HK2: variants seen among roughly 807,000 people sequenced by gnomAD.
HK2 encodes hexokinase-2.
A neutral mutation model predicts 92.9 loss-of-function variants in HK2; 42 were observed. The observed-to-expected ratio is 0.45, with a 90% CI of 0.35 to 0.58. HK2 has a LOEUF of 0.58. HK2 is among the 20% of genes least tolerant of loss of function. The pLI, the probability that HK2 is intolerant of heterozygous loss-of-function variation, is 0.00. For synonymous variants in HK2, 422 were observed against 468.0 expected, an observed-to-expected ratio of 0.90 and a Z score of 1.27; for missense variants, 978 against 1,245.1, an observed-to-expected ratio of 0.79 and a Z score of 3.23.
At chr2:74,839,722 A>G (rs1305651215) in intron 1 of HK2, among the ~76,000 whole-genome samples, 2 of 151,698 alleles carry the variant, frequency 1.3e-5, no homozygotes, top group African/African-American at 2.4e-5. Flanking sequence ...CAGTGGCACA[A>G]TCTTGGCTCA....
chr2:74,874,367 G>A lies in HK2; in HGVS notation c.793G>A (p.Gly265Arg). 6.2e-7 allele frequency: 1 copy of A among 1,613,990 alleles called. No homozygotes were observed. The highest frequency in any genetic ancestry group is 8.5e-7 in the Non-Finnish European group (1 of 1,179,942). ...TATCAATATGGAGTGGGGGGCCTTC[G>A]GGGACGATGGCTCGCTCAACGACAT... ...MCINMEWGAFGDDGSLNDIRT... is the reference protein window; with the variant it reads ...MCINMEWGAFRDDGSLNDIRT... Residue 265 changes from glycine (G) to arginine (R), a missense_variant, in exon 7 of 18, where the codon GGG (glycine) becomes AGG (arginine). Transcript: ENST00000290573.
intron 4 of HK2, 104 bp from the exon 5 acceptor site, chr2:74,873,172 T>C (rs1689139582): frequency 4.6e-6 from 4 of 866,582 alleles, no homozygotes; most frequent in Admixed American, 3.4e-5. Context: ...ATCATGACTT[T>C]ACCCCAGTGG....
In HK2 at chr2:74,834,127, A is replaced by C; in HGVS notation, c.-454A>C. 3.0e-6 allele frequency: 1 copy of C among 329,186 alleles called. No individual in the cohort carries two copies. The highest frequency in any genetic ancestry group is 6.0e-6 in the Non-Finnish European group (1 of 166,720). 20.4% of individuals were successfully genotyped at this position (329,186 alleles called of 1,614,324 possible). ...CGGGCCGGCAGCCCCTCAATAAGCCACATTGTTGCATGAAACTCCGGCGCA... is the reference window on the plus strand; with the variant it reads ...CGGGCCGGCAGCCCCTCAATAAGCCCCATTGTTGCATGAAACTCCGGCGCA... On this transcript the variant is annotated 5_prime_UTR_variant, in exon 1 of 18. Coordinates refer to ENST00000290573, the MANE Select transcript of HK2 (RefSeq NM_000189.5). The surrounding 1 kb of genome is among the most constrained non-coding windows in gnomAD (Gnocchi z 4.2).
At position 74,892,370 on chromosome 2, in the gene HK2, T is replaced by C. The variant is rs1005726706; in HGVS notation, c.*1429T>C. On this transcript the variant is annotated 3_prime_UTR_variant, in exon 18 of 18. Transcript: ENST00000290573. ...CCCAGCAAGTTTCACCTTGGGTTTGTATTTTAAATGTTTTACAAGAATTGT... is the reference window on the plus strand; with the variant it reads ...CCCAGCAAGTTTCACCTTGGGTTTGCATTTTAAATGTTTTACAAGAATTGT... 1 of 152,240 alleles carries C rather than the reference T, an allele frequency of 6.6e-6. No homozygotes were observed. Among genetic ancestry groups the C allele is most frequent in the African/African-American group, 2.4e-5 (1 of 41,456 alleles). The allele number at this position is 152,240 out of a possible 1,614,324, so 9.4% of individuals were successfully genotyped here.
intron 2 of HK2, among the ~76,000 whole-genome samples, chr2:74,856,860 T>G (rs534412240): frequency 6.6e-6 from 1 of 152,352 alleles, no homozygotes; most frequent in Non-Finnish European, 1.5e-5. Context: ...GCCTGTGCAC[T>G]TGGCGCTGGA....
chr2:74,886,794 T>C, intron 15 of HK2, 121 bp downstream of exon 15: 1 of 1,048,592 alleles, frequency 9.5e-7, no homozygotes. Context: ...ATAAAGGAGG[T>C]TTTCTTGGAA....
At chr2:74,866,782 T>C (rs1688959407) in intron 2 of HK2, among the ~76,000 whole-genome samples, 1 of 152,188 alleles carries the variant, frequency 6.6e-6, no homozygotes, top group African/African-American at 2.4e-5. Flanking sequence ...AGCATTCTCT[T>C]GCATTCTGAT....
intron 17 of HK2, 23 bp downstream of exon 17, chr2:74,889,501 C>G: frequency 7.1e-7 from 1 of 1,398,648 alleles, no homozygotes; most frequent in Non-Finnish European, 1.0e-6. Flanking sequence ...TCCCAGCCCC[C>G]CCTGCCTACC....
intron 1 of HK2, among the ~76,000 whole-genome samples, chr2:74,846,309 G>A (rs1343303932): frequency 1.0e-5 from 1 of 95,628 alleles, no homozygotes; most frequent in Non-Finnish European, 2.2e-5. Context: ...CCAAGTCAGT[G>A]CAACCTGCCT....
chr2:74,843,273 G>A (rs1688359692), intron 1 of HK2, among the ~76,000 whole-genome samples: 1 of 151,926 alleles, frequency 6.6e-6, no homozygotes, highest in East Asian at 1.9e-4. Flanking sequence ...GCTGTTGAGT[G>A]TGTTCCTTCC....
chr2:74,885,422 A>T, intron 12 of HK2, 72 bp from the exon 13 acceptor site: 1 of 1,034,758 alleles, frequency 9.7e-7, no homozygotes, highest in Non-Finnish European at 1.5e-6. Flanking sequence ...AGCTAGAAGC[A>T]CAGCTGGACC....
rs969250588 is a variant in HK2, at chr2:74,893,295, A to G, written c.*2354A>G. On this transcript the variant is annotated 3_prime_UTR_variant, in exon 18 of 18. Coordinates refer to ENST00000290573, the MANE Select transcript of HK2 (RefSeq NM_000189.5). ...TTGTCATTATGTACAATACATAACTAGTTTAATTAACTATGTGATGTTAAC... is the reference window on the plus strand; with the variant it reads ...TTGTCATTATGTACAATACATAACTGGTTTAATTAACTATGTGATGTTAAC... 1 of 152,218 alleles carries G rather than the reference A, an allele frequency of 6.6e-6. No homozygotes were observed. Among genetic ancestry groups the G allele is most frequent in the African/African-American group, 2.4e-5 (1 of 41,458 alleles). 9.4% of individuals were successfully genotyped at this position (152,218 alleles called of 1,614,324 possible).
At chr2:74,873,751 G>C in intron 5 of HK2, 93 bp from the exon 6 acceptor site, 1 of 790,938 alleles carries the variant, frequency 1.3e-6, no homozygotes, top group Non-Finnish European at 2.2e-6. Context: ...GAGAGAAGGA[G>C]GAGGAGGAGG....
intron 9 of HK2, among the ~76,000 whole-genome samples, chr2:74,879,340 A>G (rs1689323483): frequency 1.3e-5 from 2 of 152,164 alleles, no homozygotes; most frequent in Non-Finnish European, 2.9e-5. Context: ...CCCTGTCCAC[A>G]TTTTGATCCC....
chr2:74,842,579 A>C (rs1019614604), intron 1 of HK2, among the ~76,000 whole-genome samples: 1 of 152,214 alleles, frequency 6.6e-6, no homozygotes, highest in Non-Finnish European at 1.5e-5. Context: ...CTTCTTTTAG[A>C]GTAAGTGGTT....
chr2:74,839,600 A>G (rs1573350387), intron 1 of HK2, among the ~76,000 whole-genome samples: 1 of 152,250 alleles, frequency 6.6e-6, no homozygotes, highest in East Asian at 1.9e-4. Flanking sequence ...GAGAGAGCTA[A>G]GAAGCACTTT....
intron 1 of HK2, among the ~76,000 whole-genome samples, chr2:74,852,415 T>C (rs1212235900): frequency 6.6e-6 from 1 of 152,184 alleles, no homozygotes; most frequent in East Asian, 1.9e-4. Flanking sequence ...GACACTTCAC[T>C]GAAAAGAAAG....
At chr2:74,840,597 G>A (rs942429992) in intron 1 of HK2, among the ~76,000 whole-genome samples, 6 of 151,358 alleles carry the variant, frequency 4.0e-5, no homozygotes, top group African/African-American at 9.7e-5. Context: ...GCCGGGCGCG[G>A]TGGCTCACGC....
At chr2:74,889,145 C>T (rs1689609308) in intron 16 of HK2, 100 bp from the exon 17 acceptor site, 5 of 958,176 alleles carry the variant, frequency 5.2e-6, no homozygotes, top group Middle Eastern at 2.1e-4. Flanking sequence ...AGAGCTAGAC[C>T]CCCACAGAGC....
Sources: allele counts gnomAD v4.1 joint callset (sites outside exome capture counted in the v4.1 genomes callset), GRCh38; gene constraint gnomAD v4.1.1; non-coding constraint Gnocchi (gnomAD v3.1); transcripts MANE v1.5; gene names NCBI Gene and HGNC (gene_info 2026-07-23, HGNC 2026-07-21).